HIBADH: variants seen among roughly 807,000 people sequenced by gnomAD.
HIBADH encodes 3-hydroxyisobutyrate dehydrogenase, mitochondrial.
A neutral mutation model predicts 36.1 loss-of-function variants in HIBADH; 25 were observed. The observed-to-expected ratio is 0.69, with a 90% CI of 0.50 to 0.97. HIBADH has a LOEUF of 0.97. HIBADH is among the 50% of genes least tolerant of loss of function. The pLI is 0.00. For synonymous variants in HIBADH, 160 were observed against 149.5 expected (o/e 1.07, Z -0.51); for missense variants, 421 against 418.0 (o/e 1.01, Z -0.06).
At chr7:27,565,286 T>C (rs957822391) in intron 4 of HIBADH, among the ~76,000 whole-genome samples, 1 of 152,158 alleles carries the variant, frequency 6.6e-6, no homozygotes, top group African/African-American at 2.4e-5. Context: ...TGCCCACGTT[T>C]TCCTTCTGTT....
intron 1 of HIBADH, among the ~76,000 whole-genome samples, chr7:27,662,274 T>C (rs565497896): frequency 3.3e-5 from 5 of 152,184 alleles, no homozygotes; most frequent in African/African-American, 1.2e-4. Context: ...CCCAAGTGTG[T>C]CCCCAACCCA....
chr7:27,613,636 G>A (rs910907566), intron 4 of HIBADH, among the ~76,000 whole-genome samples: 1 of 140,932 alleles, frequency 7.1e-6, no homozygotes, highest in African/African-American at 2.7e-5. Context: ...ATCTAGTGGG[G>A]TTTTTTGTTG....
intron 4 of HIBADH, among the ~76,000 whole-genome samples, chr7:27,610,893 T>G (rs181655227): frequency 6.6e-6 from 1 of 152,156 alleles, no homozygotes; most frequent in African/African-American, 2.4e-5. Flanking sequence ...GGAAAAACAG[T>G]AGGTATCCAG....
intron 4 of HIBADH, among the ~76,000 whole-genome samples, chr7:27,624,584 T>C (rs1785607816): frequency 6.6e-6 from 1 of 152,270 alleles, no homozygotes. Flanking sequence ...CTAGCTGGAA[T>C]GTTCATCTGC....
intron 4 of HIBADH, among the ~76,000 whole-genome samples, chr7:27,606,876 AG>A (rs1444499437): frequency 6.6e-6 from 1 of 152,218 alleles, no homozygotes; most frequent in Non-Finnish European, 1.5e-5. Flanking sequence ...TAAACTTTAC[AG>A]TTTTCAGTAG....
At chr7:27,528,611 G>A (rs1783947849) in intron 7 of HIBADH, among the ~76,000 whole-genome samples, 1 of 152,226 alleles carries the variant, frequency 6.6e-6, no homozygotes. Context: ...GCTGAGAGAG[G>A]TGAGGAAGCT....
intron 4 of HIBADH, among the ~76,000 whole-genome samples, chr7:27,619,644 G>A (rs542205483): frequency 6.6e-6 from 1 of 151,238 alleles, no homozygotes; most frequent in South Asian, 2.1e-4. Flanking sequence ...AGAAACTCTG[G>A]AACTAAAGAA....
At chr7:27,630,658 T>C (rs962991603) in intron 3 of HIBADH, among the ~76,000 whole-genome samples, 1 of 152,040 alleles carries the variant, frequency 6.6e-6, no homozygotes, top group Non-Finnish European at 1.5e-5. Flanking sequence ...CCCAGCACTC[T>C]AGGAGGCCAA....
chr7:27,627,254 A>G (rs1785664672), intron 4 of HIBADH, among the ~76,000 whole-genome samples: 1 of 152,184 alleles, frequency 6.6e-6, no homozygotes, highest in Admixed American at 6.5e-5. Flanking sequence ...GCTGAAGCCA[A>G]CCAGTCTCAA....
chr7:27,623,207 C>T (rs1785575395), intron 4 of HIBADH, among the ~76,000 whole-genome samples: 1 of 152,054 alleles, frequency 6.6e-6, no homozygotes. Context: ...ATTCCACATC[C>T]CTTCATAATA....
At chr7:27,582,715 G>C (rs1784810725) in intron 4 of HIBADH, among the ~76,000 whole-genome samples, 2 of 152,138 alleles carry the variant, frequency 1.3e-5, no homozygotes, top group South Asian at 4.1e-4. Flanking sequence ...TGGTTTCCCA[G>C]AGTAAGAAGC....
intron 5 of HIBADH, among the ~76,000 whole-genome samples, chr7:27,539,984 G>A (rs539931795): frequency 2.6e-5 from 4 of 152,124 alleles, no homozygotes; most frequent in African/African-American, 9.6e-5. Context: ...GGAGGAAGAG[G>A]AGGGGTTGCT....
chr7:27,544,615 AT>A (rs1434419812), intron 4 of HIBADH, among the ~76,000 whole-genome samples: 36 of 152,192 alleles, frequency 2.4e-4, no homozygotes, highest in Non-Finnish European at 1.6e-4. Flanking sequence ...ATTTCTAGAC[AT>A]TTTTATTTAA....
At chr7:27,575,918 A>T (rs1342576217) in intron 4 of HIBADH, among the ~76,000 whole-genome samples, 1 of 152,192 alleles carries the variant, frequency 6.6e-6, no homozygotes, top group Non-Finnish European at 1.5e-5. Flanking sequence ...ATATGCATAC[A>T]ATCTTCCTTT....
intron 4 of HIBADH, among the ~76,000 whole-genome samples, chr7:27,558,783 G>A (rs780042736): frequency 9.2e-5 from 14 of 152,126 alleles, no homozygotes; most frequent in Admixed American, 2.6e-4. Context: ...GGGCCAAATC[G>A]CATTCAGGAA....
chr7:27,555,793 C>T (rs1784381262), intron 4 of HIBADH, among the ~76,000 whole-genome samples: 1 of 152,094 alleles, frequency 6.6e-6, no homozygotes, highest in Non-Finnish European at 1.5e-5. Flanking sequence ...ATGATTCATG[C>T]AGTATTTGCC....
In HIBADH at chr7:27,619,749, G is replaced by T. The variant is rs552731983; in HGVS notation, c.484+9622C>A. ...CTCAGAACTTGAAGATAGATTTTTTGAAATAATGCAGTCAGACAAAAATAA... is the reference window on the plus strand; with the variant it reads ...CTCAGAACTTGAAGATAGATTTTTTTAAATAATGCAGTCAGACAAAAATAA... On this transcript the variant is annotated intron_variant, in intron 4 of 7. Coordinates refer to ENST00000265395, the MANE Select transcript of HIBADH (RefSeq NM_152740.4). Among the ~76,000 whole-genome samples the T allele has an allele frequency of 2.6e-5, 4 of 152,160 alleles. No homozygotes were observed. The South Asian group carries it at 8.3e-4, about 32-fold the overall frequency.
intron 4 of HIBADH, among the ~76,000 whole-genome samples, chr7:27,599,125 C>A (rs909544256): frequency 1.3e-5 from 2 of 151,966 alleles, no homozygotes; most frequent in African/African-American, 4.8e-5. Context: ...AATTAAGGAC[C>A]CCTTCAGAAA....
At chr7:27,656,525 T>C (rs1428383475) in intron 1 of HIBADH, among the ~76,000 whole-genome samples, 2 of 151,928 alleles carry the variant, frequency 1.3e-5, no homozygotes, top group Non-Finnish European at 2.9e-5. Context: ...AGTTATTAAG[T>C]GGAAAAAAAA....
Sources: allele counts gnomAD v4.1 joint callset (sites outside exome capture counted in the v4.1 genomes callset), GRCh38; gene constraint gnomAD v4.1.1; transcripts MANE v1.5; gene names NCBI Gene and HGNC (gene_info 2026-07-23, HGNC 2026-07-21).